Variants in LAMA2 observed in about 807,000 individuals in gnomAD.
The protein encoded by LAMA2 is laminin subunit alpha 2.
A neutral mutation model predicts 364.8 loss-of-function variants in LAMA2; 269 were observed. The observed-to-expected ratio is 0.74, with a 90% CI of 0.67 to 0.82. The LOEUF is 0.82. LAMA2 is among the 40% of genes least tolerant of loss of function. The pLI is 0.00. For missense variants in LAMA2, 3,807 were observed against 3,873.2 expected (o/e 0.98, Z 0.45); for synonymous variants, 1,379 against 1,370.6 (o/e 1.01, Z -0.14).
At chr6:128,929,171 T>C (rs1779286013) in intron 1 of LAMA2, 11 of 1,458,702 alleles carry the variant, frequency 7.5e-6, no homozygotes, top group Admixed American at 1.7e-5. Context: ...GTAGATAAAA[T>C]GAATGGGGAT....
chr6:128,949,166 G>A (rs757577483), intron 1 of LAMA2, among the ~76,000 whole-genome samples: 6 of 152,164 alleles, frequency 3.9e-5, no homozygotes, highest in Non-Finnish European at 8.8e-5. Flanking sequence ...CAAGACCAGC[G>A]AGGGCTACTA....
intron 4 of LAMA2, among the ~76,000 whole-genome samples, chr6:129,101,317 A>G (rs183570367): frequency 6.6e-6 from 1 of 152,308 alleles, no homozygotes; most frequent in African/African-American, 2.4e-5. Flanking sequence ...AATAATGCCT[A>G]TGTGTTAAAC....
chr6:129,010,417 T>C (rs1321766772), intron 1 of LAMA2, among the ~76,000 whole-genome samples: 1 of 152,220 alleles, frequency 6.6e-6, no homozygotes, highest in Non-Finnish European at 1.5e-5. Flanking sequence ...TAGAATTTCA[T>C]ATGGCAAACG....
At chr6:129,499,843 G>A (rs918191496) in intron 58 of LAMA2, among the ~76,000 whole-genome samples, 6 of 152,062 alleles carry the variant, frequency 3.9e-5, no homozygotes, top group Admixed American at 6.6e-5. Flanking sequence ...TTGGCCTCCC[G>A]AGTAGCTGGG....
rs1409043489 is a variant in LAMA2 at position 129,349,378 on chromosome 6, G to C, written c.4517G>C (p.Cys1506Ser). 1 of 1,612,504 alleles carries C rather than the reference G, an allele frequency of 6.2e-7. No homozygotes were observed. Among genetic ancestry groups the C allele is most frequent in the African/African-American group, 1.3e-5 (1 of 74,978 alleles). ...ACPRGYEGQY[C>S]ERCAPGYTGS... ...CCACGGGGATATGAAGGCCAGTACT[G>C]TGAAAGGTACCAACAGCCATGAAAC... The change falls in exon 31 of 65, where the codon TGT (cysteine) becomes TCT (serine). Residue 1506 changes from cysteine (C) to serine (S), a missense_variant. By Grantham distance (112) the Cys-to-Ser change is moderately radical (BLOSUM62 -1). Around this residue, in one of 3 missense-constraint regions of LAMA2, gnomAD observed 3,333 missense variants for 3,345.7 expected, o/e 1.00. Coordinates refer to ENST00000421865, the MANE Select transcript of LAMA2 (RefSeq NM_000426.4).
chr6:128,932,479 T>C (rs1288340115), intron 1 of LAMA2, among the ~76,000 whole-genome samples: 1 of 152,110 alleles, frequency 6.6e-6, no homozygotes, highest in Non-Finnish European at 1.5e-5. Context: ...GACTTACATA[T>C]ATTACAGAGA....
chr6:129,123,221 G>A (rs1776907088), intron 4 of LAMA2, among the ~76,000 whole-genome samples: 1 of 151,650 alleles, frequency 6.6e-6, no homozygotes, highest in African/African-American at 2.4e-5. Context: ...CAGAAGAATT[G>A]TGTGAACCGG....
chr6:129,419,183 GATGTCTCAGGGTTT>G (rs1188417038), intron 40 of LAMA2, among the ~76,000 whole-genome samples: 7 of 152,052 alleles, frequency 4.6e-5, no homozygotes, highest in Non-Finnish European at 1.5e-5. Context: ...TAAAATGATA[GATGTCTCAGGGTTT>G]GTGTCATCAG....
At chr6:129,069,499 C>T (rs981927936) in intron 3 of LAMA2, among the ~76,000 whole-genome samples, 1 of 147,482 alleles carries the variant, frequency 6.8e-6, no homozygotes, top group African/African-American at 2.5e-5. Context: ...ATGAAGAGAC[C>T]GTATTTATTA....
chr6:129,463,276 A>G (rs1783352396), intron 49 of LAMA2, among the ~76,000 whole-genome samples: 1 of 152,086 alleles, frequency 6.6e-6, no homozygotes, highest in South Asian at 2.1e-4. Flanking sequence ...GGGCTTTTTT[A>G]GTAAATGCAT....
intron 2 of LAMA2, among the ~76,000 whole-genome samples, chr6:129,056,436 C>T (rs1307927929): frequency 2.6e-5 from 4 of 152,146 alleles, no homozygotes; most frequent in Admixed American, 2.6e-4. Context: ...CAGGAAGCCT[C>T]ATCTCTATGG....
At chr6:129,383,294 T>A in intron 35 of LAMA2, 61 bp downstream of exon 35, 1 of 1,266,116 alleles carries the variant, frequency 7.9e-7, no homozygotes, top group South Asian at 1.2e-5. Flanking sequence ...CAGAAAGGGA[T>A]GACACAGGAC....
At chr6:129,257,276 A>G (rs1223078481) in intron 14 of LAMA2, among the ~76,000 whole-genome samples, 1 of 152,112 alleles carries the variant, frequency 6.6e-6, no homozygotes, top group African/African-American at 2.4e-5. Context: ...TTAAAATCCC[A>G]TTTAACAAAT....
At position 129,059,905 on chromosome 6, in the gene LAMA2, C is replaced by A; in HGVS notation, c.396+9C>A. The A allele has an allele frequency of 6.9e-7, 1 of 1,442,744 alleles. No homozygotes were observed. The highest frequency in any genetic ancestry group is 1.7e-5 in the Admixed American group (1 of 59,746). 89.4% of individuals were successfully genotyped at this position (1,442,744 alleles called of 1,614,324 possible). On this transcript the variant is annotated intron_variant, in intron 3 of 64. Transcript: ENST00000421865. Reference sequence around the variant, plus strand: ...CCCTGGATTTACAGCAGGTATAGTTCCTCTTTTTTTGTCATTTCCACTTTT... The same window carrying A: ...CCCTGGATTTACAGCAGGTATAGTTACTCTTTTTTTGTCATTTCCACTTTT...
chr6:128,923,400 A>G (rs1272443997), intron 1 of LAMA2, among the ~76,000 whole-genome samples: 9 of 150,102 alleles, frequency 6.0e-5, no homozygotes, highest in Non-Finnish European at 1.5e-5. Flanking sequence ...AGTGGTTTGT[A>G]GTTCTCCTTG....
At chr6:129,262,602 AT>A (rs1270222960) in intron 15 of LAMA2, among the ~76,000 whole-genome samples, 1 of 152,180 alleles carries the variant, frequency 6.6e-6, no homozygotes, top group Non-Finnish European at 1.5e-5. Context: ...GAGACAATGA[AT>A]TTTGGAACTT....
intron 12 of LAMA2, among the ~76,000 whole-genome samples, chr6:129,225,084 C>G (rs1784153280): frequency 6.6e-6 from 1 of 152,120 alleles, no homozygotes; most frequent in South Asian, 2.1e-4. Context: ...GTCCAGGAAT[C>G]TATCCATTTC....
rs182392597 is a variant in LAMA2 at position 129,135,014 on chromosome 6, G to A, written c.640-8887G>A. On this transcript the variant is annotated intron_variant, in intron 4 of 64. Transcript: ENST00000421865. ...CCCCTTCTCAGGGGACCTGGGCACC[G>A]TCGGATCCCATGACAGGTCCTACAT... Among the ~76,000 whole-genome samples the A allele has an allele frequency of 1.1e-4, 16 of 152,228 alleles. No homozygotes were observed. The East Asian group carries it at 2.1e-3, about 20-fold the overall frequency.
chr6:129,106,014 T>A (rs1775799743), intron 4 of LAMA2, among the ~76,000 whole-genome samples: 1 of 152,172 alleles, frequency 6.6e-6, no homozygotes, highest in Non-Finnish European at 1.5e-5. Flanking sequence ...TACATATGAT[T>A]TCCTTTCCTT....
Sources: allele counts gnomAD v4.1 joint callset (sites outside exome capture counted in the v4.1 genomes callset), GRCh38; gene constraint gnomAD v4.1.1; regional missense constraint gnomAD v4.1.1; transcripts MANE v1.5; gene names NCBI Gene and HGNC (gene_info 2026-07-23, HGNC 2026-07-21).